CDC14B: variants seen among roughly 807,000 people sequenced by gnomAD.
CDC14B encodes the protein cell division cycle 14B.
Under a neutral mutation model 64.2 loss-of-function variants are expected in CDC14B, and 22 were observed. The observed-to-expected ratio is 0.34, with a 90% CI of 0.24 to 0.49. CDC14B has a LOEUF of 0.49. Ranked by LOEUF, CDC14B falls within the 20% of genes least tolerant of loss-of-function variation. The pLI, the probability that CDC14B is intolerant of heterozygous loss-of-function variation, is 0.99. For synonymous variants in CDC14B, 191 were observed against 215.8 expected, an observed-to-expected ratio of 0.89 and a Z score of 1.01; for missense variants, 498 against 629.9, an observed-to-expected ratio of 0.79 and a Z score of 2.24.
At chr9:96,543,740 A>G (rs1306031986) in intron 5 of CDC14B, among the ~76,000 whole-genome samples, 1 of 152,212 alleles carries the variant, frequency 6.6e-6, no homozygotes, top group Non-Finnish European at 1.5e-5. Flanking sequence ...TTTAATTATG[A>G]TTAAGCTAGG....
In CDC14B at chr9:96,515,036, T is replaced by A. The variant is rs888722233; in HGVS notation, c.1344-5247A>T. On this transcript the variant is annotated intron_variant, in intron 12 of 13. Coordinates refer to ENST00000375241, the MANE Select transcript of CDC14B (RefSeq NM_033331.4). The surrounding 1 kb of genome is among the most constrained non-coding windows in gnomAD (Gnocchi z 4.3). ...CGACCTCAGCTCCGACCTCCTACTT[T>A]CATTTAGCATCAAGTGCTACACACT... is the stretch of plus-strand genomic sequence containing the variant. 2.4e-6 allele frequency: 1 copy of A among 422,780 alleles called. No individual in the cohort carries two copies. Among genetic ancestry groups the A allele is most frequent in the Non-Finnish European group, 3.2e-6 (1 of 315,732 alleles). 26.2% of individuals were successfully genotyped at this position (422,780 alleles called of 1,614,324 possible). A position where few individuals can be genotyped will look rare whatever the true frequency, so the allele number is the denominator to read the frequency against.
In CDC14B at chr9:96,534,541, T is replaced by C; in HGVS notation, c.629A>G (p.Lys210Arg). The C allele has an allele frequency of 6.2e-7, 1 of 1,607,714 alleles. No homozygotes were observed. The highest frequency in any genetic ancestry group is 8.5e-7 in the Non-Finnish European group (1 of 1,174,270). The change falls in exon 8 of 14, where the codon AAA (lysine) becomes AGA (arginine). Residue 210 changes from lysine (K) to arginine (R), a missense_variant and splice_region_variant. By Grantham distance (26) the Lys-to-Arg change is conservative. Coordinates refer to ENST00000375241, the MANE Select transcript of CDC14B (RefSeq NM_033331.4). ...CCAATTTAAATCTCCATTTTCTGCT[T>C]TCTGCAAGGGGAAGACCAGCACAAT... is the stretch of plus-strand genomic sequence containing the variant. Reference protein sequence around the residue: ...FNLDEYEHYEKAENGDLNWII... With the variant: ...FNLDEYEHYERAENGDLNWII...
chr9:96,612,218 G>T (rs530926396), intron 1 of CDC14B, among the ~76,000 whole-genome samples: 1 of 152,192 alleles, frequency 6.6e-6, no homozygotes, highest in Non-Finnish European at 1.5e-5. Context: ...CCCTGAGCTC[G>T]CTCTCAGAAG....
intron 1 of CDC14B, among the ~76,000 whole-genome samples, chr9:96,598,918 A>C (rs1485091818): frequency 6.6e-6 from 1 of 152,262 alleles, no homozygotes; most frequent in East Asian, 1.9e-4. Context: ...CTATGTAGGT[A>C]CAAAAAGAAT....
intron 1 of CDC14B, among the ~76,000 whole-genome samples, chr9:96,616,586 T>C (rs1306410143): frequency 6.6e-6 from 1 of 151,898 alleles, no homozygotes. Flanking sequence ...TAGCCAGGCA[T>C]GGTGGCGGGC....
intron 3 of CDC14B, among the ~76,000 whole-genome samples, 174 bp from the exon 4 acceptor site, chr9:96,562,959 A>G (rs1021444521): frequency 1.3e-5 from 2 of 152,240 alleles, no homozygotes; most frequent in Non-Finnish European, 2.9e-5. Flanking sequence ...ATAAAAAGGC[A>G]CATTCTGGGA....
At chr9:96,496,395 C>G (rs185178060), downstream of CDC14B, 2 of 461,426 alleles carry the variant, frequency 4.3e-6, no homozygotes, top group Non-Finnish European at 8.6e-6. Context: ...GCTGTACTTA[C>G]CACCACCACC....
intron 4 of CDC14B, 160 bp downstream of exon 4, chr9:96,562,533 T>C: frequency 1.6e-6 from 1 of 621,472 alleles, no homozygotes; most frequent in Non-Finnish European, 2.9e-6. Flanking sequence ...TACTTCCACA[T>C]AAGCACAGCT....
chr9:96,566,795 C>T (rs775298239), intron 1 of CDC14B: 1 of 1,607,058 alleles, frequency 6.2e-7, no homozygotes, highest in Non-Finnish European at 8.5e-7. Flanking sequence ...ACCAAAGCTG[C>T]CCCCGCGCCC....
chr9:96,507,196 TGGGAGGATGAGGC>T (rs931522285), intron 13 of CDC14B, among the ~76,000 whole-genome samples: 4 of 151,258 alleles, frequency 2.6e-5, no homozygotes, highest in African/African-American at 7.3e-5. Context: ...CCCAGCTACT[TGGGAGGATGAGGC>T]GGGAGGATGA....
intron 1 of CDC14B, among the ~76,000 whole-genome samples, chr9:96,599,095 T>C (rs561677388): frequency 6.6e-6 from 1 of 152,226 alleles, no homozygotes; most frequent in East Asian, 1.9e-4. Context: ...TAGAAGTACT[T>C]AGAGCCGGGT....
At chr9:96,497,843 CTT>C (rs1833319382), downstream of CDC14B, among the ~76,000 whole-genome samples, 1 of 152,150 alleles carries the variant, frequency 6.6e-6, no homozygotes, top group Non-Finnish European at 1.5e-5. Context: ...GCCTAAGTCA[CTT>C]AGCCCAAATC....
At chr9:96,536,699 T>G (rs1839322104) in intron 7 of CDC14B, among the ~76,000 whole-genome samples, 1 of 152,148 alleles carries the variant, frequency 6.6e-6, no homozygotes, top group Admixed American at 6.5e-5. Context: ...AAAAGAATTC[T>G]CTGAGGATTC....
At chr9:96,559,877 G>C (rs985565761) in intron 4 of CDC14B, among the ~76,000 whole-genome samples, 3 of 152,076 alleles carry the variant, frequency 2.0e-5, no homozygotes, top group Non-Finnish European at 2.9e-5. Flanking sequence ...ATTAACTATA[G>C]AAAAATAAGC....
At chr9:96,582,158 A>G (rs769376775) in intron 1 of CDC14B, among the ~76,000 whole-genome samples, 1 of 152,192 alleles carries the variant, frequency 6.6e-6, no homozygotes, top group Non-Finnish European at 1.5e-5. Flanking sequence ...GTAAAAAGTA[A>G]AGTAGAGGTT....
intron 1 of CDC14B, among the ~76,000 whole-genome samples, chr9:96,574,528 CAG>C (rs1398239207): frequency 1.3e-5 from 2 of 151,584 alleles, no homozygotes; most frequent in Admixed American, 1.3e-4. Context: ...ATTAGTGAAA[CAG>C]GGATGGATTT....
intron 12 of CDC14B, among the ~76,000 whole-genome samples, chr9:96,522,232 G>T (rs578141990): frequency 1.3e-5 from 2 of 152,222 alleles, no homozygotes; most frequent in East Asian, 3.9e-4. Flanking sequence ...CTGCTGTCGC[G>T]CTCCTGAGGA....
intron 4 of CDC14B, among the ~76,000 whole-genome samples, chr9:96,552,813 C>T (rs1842000827): frequency 6.6e-6 from 1 of 151,856 alleles, no homozygotes; most frequent in Admixed American, 6.6e-5. Flanking sequence ...GTTGGGGAGG[C>T]GGGAGCGGTG....
intron 4 of CDC14B, among the ~76,000 whole-genome samples, chr9:96,561,375 A>G (rs930443822): frequency 9.2e-5 from 14 of 152,222 alleles, no homozygotes; most frequent in African/African-American, 3.1e-4. Context: ...CAGATTATCA[A>G]ACTATACTCC....
Sources: gnomAD v4.1 joint callset for allele counts (sites outside exome capture counted in the v4.1 genomes callset) on GRCh38, gnomAD v4.1.1 for gene constraint, Gnocchi (gnomAD v3.1) non-coding constraint, MANE v1.5 for transcripts, NCBI Gene and HGNC (gene_info 2026-07-23, HGNC 2026-07-21) for gene names.